Variants in BABAM2 observed in about 807,000 individuals in gnomAD.
BABAM2 encodes the protein BRISC and BRCA1-A complex member 2.
A neutral mutation model predicts 54.7 loss-of-function variants in BABAM2; 31 were observed. The ratio of observed to expected loss-of-function variants is 0.57; its 90% CI spans 0.43 to 0.77. The LOEUF is 0.77. Among genes scored for constraint, BABAM2 ranks in the 30% least tolerant of loss-of-function variants. BABAM2 has a pLI of 0.00. For synonymous variants in BABAM2, 167 were observed against 162.9 expected (o/e 1.03, Z -0.19); for missense variants, 364 against 455.8 (o/e 0.80, Z 1.83).
chr2:28,112,083 C>CTTTCTTTCTT (rs1491267107), intron 6 of BABAM2, among the ~76,000 whole-genome samples: 4 of 98,776 alleles, frequency 4.0e-5, no homozygotes, highest in African/African-American at 1.4e-4. Context: ...ATACCCATTA[C>CTTTCTTTCTT]TCTTTCTTTC....
chr2:28,121,352 A>G (rs1669050198), intron 6 of BABAM2, among the ~76,000 whole-genome samples: 1 of 152,200 alleles, frequency 6.6e-6, no homozygotes, highest in Non-Finnish European at 1.5e-5. Context: ...TACTGAAATG[A>G]CCAGTGTCAT....
At chr2:28,318,214 A>T (rs1187588774) in intron 11 of BABAM2, among the ~76,000 whole-genome samples, 1 of 152,184 alleles carries the variant, frequency 6.6e-6, no homozygotes, top group African/African-American at 2.4e-5. Context: ...TGAAGGAGCG[A>T]CCTCATCTCT....
At chr2:28,033,755 C>T (rs1210195748) in intron 5 of BABAM2, among the ~76,000 whole-genome samples, 1 of 151,086 alleles carries the variant, frequency 6.6e-6, no homozygotes, top group African/African-American at 2.4e-5. Context: ...TTTTGATTTC[C>T]AGAACTTAAA....
At chr2:28,027,170 T>C (rs1017175423) in intron 5 of BABAM2, among the ~76,000 whole-genome samples, 3 of 150,636 alleles carry the variant, frequency 2.0e-5, no homozygotes. Context: ...CACCAGGTAT[T>C]CTCCTGCCCA....
intron 7 of BABAM2, among the ~76,000 whole-genome samples, chr2:28,225,536 G>A (rs905729313): frequency 6.6e-6 from 1 of 152,154 alleles, no homozygotes; most frequent in African/African-American, 2.4e-5. Flanking sequence ...ACTGTGAAAA[G>A]AGCATATATG....
At chr2:27,993,143 C>T (rs1208075235) in intron 4 of BABAM2, among the ~76,000 whole-genome samples, 1 of 152,160 alleles carries the variant, frequency 6.6e-6, no homozygotes, top group Non-Finnish European at 1.5e-5. Context: ...GGATGCAGGA[C>T]ATTCAGAGTT....
At chr2:27,947,360 A>G (rs1439902937) in intron 3 of BABAM2, among the ~76,000 whole-genome samples, 1 of 152,028 alleles carries the variant, frequency 6.6e-6, no homozygotes, top group Non-Finnish European at 1.5e-5. Flanking sequence ...CATATCTTTA[A>G]CTTTTCACAG....
chr2:28,242,971 A>C (rs1476668772), intron 9 of BABAM2, among the ~76,000 whole-genome samples: 2 of 152,238 alleles, frequency 1.3e-5, no homozygotes, highest in African/African-American at 4.8e-5. Context: ...ATAATTAAAC[A>C]TGAAGAAGCT....
At chr2:28,280,864 G>A (rs1043483668) in intron 10 of BABAM2, among the ~76,000 whole-genome samples, 2 of 152,094 alleles carry the variant, frequency 1.3e-5, no homozygotes, top group Admixed American at 6.5e-5. Context: ...TTGGTGAGGG[G>A]TCATGAGTAA....
At chr2:28,296,092 G>A (rs1346412170) in intron 10 of BABAM2, among the ~76,000 whole-genome samples, 4 of 152,104 alleles carry the variant, frequency 2.6e-5, no homozygotes, top group East Asian at 1.9e-4. Context: ...CAGCCTGGGC[G>A]ACAGAGCGAG....
At chr2:28,289,143 A>G (rs1289404726) in intron 10 of BABAM2, among the ~76,000 whole-genome samples, 2 of 152,122 alleles carry the variant, frequency 1.3e-5, no homozygotes, top group African/African-American at 2.4e-5. Context: ...AACTTAAGAA[A>G]TAGAATAGTG....
chr2:27,937,603 A>T (rs1235815780), intron 3 of BABAM2, among the ~76,000 whole-genome samples: 1 of 152,174 alleles, frequency 6.6e-6, no homozygotes, highest in Non-Finnish European at 1.5e-5. Flanking sequence ...CTGGTTGACC[A>T]TTTATATGTC....
intron 4 of BABAM2, among the ~76,000 whole-genome samples, chr2:27,988,326 G>C (rs967023834): frequency 2.6e-5 from 4 of 151,996 alleles, no homozygotes; most frequent in Non-Finnish European, 4.4e-5. Context: ...CTAGCATATT[G>C]GTTGAAATAT....
chr2:28,273,826 A>G (rs1685643269), intron 10 of BABAM2, among the ~76,000 whole-genome samples: 1 of 152,216 alleles, frequency 6.6e-6, no homozygotes, highest in African/African-American at 2.4e-5. Flanking sequence ...AAACTGGGTT[A>G]ACTTCTCAGC....
At chr2:28,263,991 G>A (rs1012279291) in intron 10 of BABAM2, among the ~76,000 whole-genome samples, 11 of 152,244 alleles carry the variant, frequency 7.2e-5, no homozygotes, top group African/African-American at 2.7e-4. Flanking sequence ...CCGTCAGTGT[G>A]ATTGAGGCCA....
chr2:28,131,508 C>T (rs867379768), intron 7 of BABAM2, among the ~76,000 whole-genome samples: 3 of 152,116 alleles, frequency 2.0e-5, no homozygotes, highest in African/African-American at 7.2e-5. Context: ...CTGGTTCCTG[C>T]CACTCACCAG....
At chr2:27,919,298 T>A (rs1667194026) in intron 2 of BABAM2, among the ~76,000 whole-genome samples, 1 of 152,206 alleles carries the variant, frequency 6.6e-6, no homozygotes, top group African/African-American at 2.4e-5. Context: ...AGTCACATTT[T>A]CTGCAAAAAA....
At chr2:28,094,635 A>G (rs1349479219) in intron 6 of BABAM2, among the ~76,000 whole-genome samples, 2 of 152,094 alleles carry the variant, frequency 1.3e-5, no homozygotes, top group African/African-American at 4.8e-5. Context: ...ATATGACTCA[A>G]AAATGTTTAA....
chr2:28,278,643 CAGT>C (rs1686074618), intron 10 of BABAM2, among the ~76,000 whole-genome samples: 1 of 152,074 alleles, frequency 6.6e-6, no homozygotes, highest in South Asian at 2.1e-4. Context: ...AAAGTGGTGG[CAGT>C]AGAAGCCACA....
Sources: gnomAD v4.1 joint callset for allele counts (sites outside exome capture counted in the v4.1 genomes callset) on GRCh38, gnomAD v4.1.1 for gene constraint, MANE v1.5 for transcripts, NCBI Gene and HGNC (gene_info 2026-07-23, HGNC 2026-07-21) for gene names.